RXFP2: variants seen among roughly 807,000 people sequenced by gnomAD.
RXFP2 encodes the protein relaxin family peptide receptor 2.
RXFP2 carries 68 observed loss-of-function variants against 88.6 expected under a neutral mutation model. That is an observed-to-expected ratio of 0.77 (90% CI 0.63 to 0.94). The LOEUF (loss-of-function observed/expected upper bound fraction) is 0.94. RXFP2 is among the 40% of genes least tolerant of loss of function. The pLI, the probability that RXFP2 is intolerant of heterozygous loss-of-function variation, is 0.00. For missense variants in RXFP2, 791 were observed against 893.9 expected, an observed-to-expected ratio of 0.88 and a Z score of 1.47; for synonymous variants, 329 against 306.8, an observed-to-expected ratio of 1.07 and a Z score of -0.76.
At chr13:31,785,514 T>C (rs566591462) in intron 11 of RXFP2, among the ~76,000 whole-genome samples, 2 of 151,930 alleles carry the variant, frequency 1.3e-5, no homozygotes, top group African/African-American at 4.8e-5. Flanking sequence ...CTATGTTTTC[T>C]CTGCACTTCT....
At chr13:31,762,908 ATGTT>A (rs1872366388) in intron 3 of RXFP2, among the ~76,000 whole-genome samples, 1 of 151,980 alleles carries the variant, frequency 6.6e-6, no homozygotes, top group East Asian at 1.9e-4. Context: ...TTTGGGCCTT[ATGTT>A]TGTTTGATTT....
intron 1 of RXFP2, among the ~76,000 whole-genome samples, chr13:31,742,204 A>G (rs1230589154): frequency 6.6e-6 from 1 of 152,226 alleles, no homozygotes; most frequent in Non-Finnish European, 1.5e-5. Context: ...GCAACTACCA[A>G]TTGCTACTTA....
intron 1 of RXFP2, among the ~76,000 whole-genome samples, chr13:31,755,382 T>A (rs1337366188): frequency 6.6e-6 from 1 of 152,014 alleles, no homozygotes; most frequent in African/African-American, 2.4e-5. Context: ...TATGTGGATG[T>A]GGGTGTGGGT....
chr13:31,803,088 C>T lies in RXFP2; in HGVS notation c.*683C>T, dbSNP rs931745088. 1 of 152,242 alleles carries T rather than the reference C, an allele frequency of 6.6e-6. No individual in the cohort carries two copies. Among genetic ancestry groups the T allele is most frequent in the Non-Finnish European group, 1.5e-5 (1 of 68,108 alleles). 9.4% of individuals were successfully genotyped at this position (152,242 alleles called of 1,614,324 possible). ...ATATTTTTCTGAAGGTTGCCCAGGG[C>T]ACAAACAAATTGGACACTTTCACTG... is the stretch of plus-strand genomic sequence containing the variant. On this transcript the variant is annotated 3_prime_UTR_variant, in exon 18 of 18. Coordinates refer to ENST00000298386, the MANE Select transcript of RXFP2 (RefSeq NM_130806.5).
Position 31,802,383 on chromosome 13 carries a change from G to C in RXFP2, c.2243G>C (p.Ser748Thr), listed in dbSNP as rs369068246. Residue 748 changes from serine to threonine, a missense_variant, in exon 18 of 18, where the codon AGT becomes ACT. Transcript: ENST00000298386. ...TTGAACAAAATAACACTTGGAGACA[G>C]TATAATGAAACCAGTTTCCTAGCAA... ...GVLNKITLGD[S>T]IMKPVS 3.7e-6 allele frequency: 6 copies of C among 1,613,960 alleles called. No individual in the cohort carries two copies. The South Asian group carries it at 5.5e-5, about 15-fold the overall frequency.
chr13:31,752,112 T>C (rs1002695191), intron 1 of RXFP2, among the ~76,000 whole-genome samples: 1 of 152,174 alleles, frequency 6.6e-6, no homozygotes, highest in African/African-American at 2.4e-5. Flanking sequence ...CTGACATCCA[T>C]CCCTGGTAAG....
intron 9 of RXFP2, among the ~76,000 whole-genome samples, chr13:31,779,621 C>T (rs948983352): frequency 2.0e-5 from 3 of 152,152 alleles, no homozygotes; most frequent in Non-Finnish European, 4.4e-5. Flanking sequence ...CCACATACAC[C>T]TTCACGGTCT....
At chr13:31,763,670 G>A (rs577562692) in intron 3 of RXFP2, among the ~76,000 whole-genome samples, 9 of 152,162 alleles carry the variant, frequency 5.9e-5, no homozygotes, top group Non-Finnish European at 1.3e-4. Flanking sequence ...ACAAAATCAT[G>A]GGGACATGAT....
At chr13:31,794,693 C>A (rs1873947733) in intron 16 of RXFP2, among the ~76,000 whole-genome samples, 1 of 151,986 alleles carries the variant, frequency 6.6e-6, no homozygotes, top group Non-Finnish European at 1.5e-5. Context: ...GAGGTATTAG[C>A]CAAGCGAAGG....
At chr13:31,762,515 T>C (rs962209537) in intron 3 of RXFP2, among the ~76,000 whole-genome samples, 3 of 152,212 alleles carry the variant, frequency 2.0e-5, no homozygotes, top group African/African-American at 7.2e-5. Context: ...AGGGTTTTGG[T>C]GTACACCTTG....
At chr13:31,779,354 G>C (rs1326618055) in intron 9 of RXFP2, among the ~76,000 whole-genome samples, 1 of 151,944 alleles carries the variant, frequency 6.6e-6, no homozygotes, top group Non-Finnish European at 1.5e-5. Context: ...TTCAACCCCT[G>C]ACCTCAGGTG....
intron 5 of RXFP2, among the ~76,000 whole-genome samples, chr13:31,766,355 G>A (rs1016429379): frequency 2.7e-5 from 4 of 150,094 alleles, no homozygotes; most frequent in Admixed American, 2.0e-4. Context: ...TTTTTCACTT[G>A]AAAAAAAAAG....
intron 16 of RXFP2, among the ~76,000 whole-genome samples, chr13:31,795,588 T>G (rs1873992909): frequency 6.6e-6 from 1 of 152,156 alleles, no homozygotes; most frequent in African/African-American, 2.4e-5. Flanking sequence ...TTTTATAAAA[T>G]TTTACCGTAT....
chr13:31,742,268 T>G (rs1386412031), intron 1 of RXFP2, among the ~76,000 whole-genome samples: 2 of 152,124 alleles, frequency 1.3e-5, no homozygotes, highest in Non-Finnish European at 2.9e-5. Context: ...CCGAACAGTA[T>G]TTTGAGGGGA....
intron 1 of RXFP2, among the ~76,000 whole-genome samples, chr13:31,748,814 A>G (rs1482989764): frequency 6.6e-6 from 1 of 152,096 alleles, no homozygotes; most frequent in Non-Finnish European, 1.5e-5. Context: ...GTGAAACCCC[A>G]TCTCTATTAA....
chr13:31,786,313 A>G, intron 11 of RXFP2, 70 bp from the exon 12 acceptor site: 1 of 1,045,964 alleles, frequency 9.6e-7, no homozygotes, highest in Non-Finnish European at 1.5e-6. Flanking sequence ...GATGATGATA[A>G]TTGTGAGGAG....
chr13:31,802,051 C>T (rs935274392), intron 17 of RXFP2, 95 bp from the exon 18 acceptor site: 7 of 1,228,910 alleles, frequency 5.7e-6, no homozygotes, highest in Admixed American at 1.9e-5. Context: ...TACTATGTCT[C>T]CCTCTCATAA....
rs1211166330 is a variant in RXFP2 at position 31,761,765 on chromosome 13, G to A, written c.283G>A (p.Gly95Arg). ...GWATIFGTVH[G>R]NANSVALTQE... Reference sequence around the variant, plus strand: ...GGCGACCATATTTGGCACAGTGCATGGAAATGCTAACAGCGTGGCCTTAAC... The same window carrying A: ...GGCGACCATATTTGGCACAGTGCATAGAAATGCTAACAGCGTGGCCTTAAC... Residue 95 changes from glycine to arginine, a missense_variant, in exon 3 of 18, where the codon GGA becomes AGA. By Grantham distance (125) the Gly-to-Arg change is moderately radical (BLOSUM62 -2). Transcript: ENST00000298386. 1 of 1,613,310 alleles carries A rather than the reference G, an allele frequency of 6.2e-7. No homozygotes were observed. The highest frequency in any genetic ancestry group is 1.7e-5 in the Admixed American group (1 of 60,016).
At chr13:31,782,592 G>A in intron 10 of RXFP2, 84 bp from the exon 11 acceptor site, 5 of 987,600 alleles carry the variant, frequency 5.1e-6, no homozygotes, top group South Asian at 1.3e-5. Flanking sequence ...ATAAAATTCT[G>A]CCTGGATCAG....
Sources: allele counts gnomAD v4.1 joint callset (sites outside exome capture counted in the v4.1 genomes callset), GRCh38; gene constraint gnomAD v4.1.1; transcripts MANE v1.5; gene names NCBI Gene and HGNC (gene_info 2026-07-23, HGNC 2026-07-21).